Variants in KRT17 observed in about 807,000 individuals in gnomAD.
KRT17 encodes keratin, type I cytoskeletal 17.
A neutral mutation model predicts 45.6 loss-of-function variants in KRT17; 29 were observed. That is an observed-to-expected ratio of 0.64 (90% CI 0.47 to 0.87). KRT17 has a LOEUF of 0.87. Among genes scored for constraint, KRT17 ranks in the 40% least tolerant of loss-of-function variants. The pLI, the probability that KRT17 is intolerant of heterozygous loss-of-function variation, is 0.00. For missense variants in KRT17, 536 were observed against 577.8 expected, an observed-to-expected ratio of 0.93 and a Z score of 0.74; for synonymous variants, 219 against 234.6, an observed-to-expected ratio of 0.93 and a Z score of 0.61.
At chr17:41,620,064 C>T (rs1162779765) in intron 7 of KRT17, 23 of 985,212 alleles carry the variant, frequency 2.3e-5, no homozygotes, top group Non-Finnish European at 2.8e-5. Context: ...AGACAAAAAC[C>T]AGGCCCCTAT....
intron 1 of KRT17, among the ~76,000 whole-genome samples, chr17:41,623,438 G>A (rs888558053): frequency 3.3e-5 from 5 of 152,160 alleles, no homozygotes; most frequent in Non-Finnish European, 7.4e-5. Context: ...GGAGGCTAAA[G>A]GAGCCCTCAT....
rs1908571233 is a variant in KRT17, at chr17:41,622,364, GTTC to G, written c.660_662del (p.Lys220del). The G allele has an allele frequency of 2.5e-6, 4 of 1,613,466 alleles. No individual in the cohort carries two copies. The highest frequency in any genetic ancestry group is 1.3e-5 in the African/African-American group (1 of 75,028). ...GCCCCAGCCACCTCACCTCCTCGTG[GTTC>G]TTCTTCAGGTAGGCCAGCTCCTCCT... On this transcript the variant is annotated inframe_deletion, in exon 3 of 8. Coordinates refer to ENST00000311208, the MANE Select transcript of KRT17 (RefSeq NM_000422.3).
chr17:41,619,787 C>T (rs1206951612), intron 7 of KRT17, 99 bp from the exon 8 acceptor site: 27 of 1,590,956 alleles, frequency 1.7e-5, no homozygotes, highest in Non-Finnish European at 2.2e-5. Context: ...CCCTCATCCT[C>T]CCCCAGGTGC....
chr17:41,622,036 G>A, intron 3 of KRT17: 1 of 596,172 alleles, frequency 1.7e-6, no homozygotes. Flanking sequence ...CTATGTAGAT[G>A]TTCAGCTTTG....
chr17:41,620,607 C>A (rs767014144), intron 6 of KRT17, 49 bp from the exon 7 acceptor site: 18 of 1,609,504 alleles, frequency 1.1e-5, no homozygotes, highest in Non-Finnish European at 1.4e-5. Context: ...GGTCTGAGAG[C>A]CCCACCCCTG....
intron 1 of KRT17, among the ~76,000 whole-genome samples, 189 bp downstream of exon 1, chr17:41,623,889 T>TGCTGTCCCCAGAAAAGGG (rs1013390637): frequency 1.3e-5 from 2 of 152,172 alleles, no homozygotes; most frequent in African/African-American, 4.8e-5. Context: ...TGACTCAGCT[T>TGCTGTCCCCAGAAAAGGG]GCTGTCCCCA....
In KRT17 at chr17:41,621,657, C is replaced by T. The variant is rs200256057; in HGVS notation, c.770G>A (p.Arg257His). The T allele has an allele frequency of 1.1e-5, 17 of 1,612,138 alleles. No homozygotes were observed. Among genetic ancestry groups the T allele is most frequent in the Non-Finnish European group, 1.4e-5 (16 of 1,179,880 alleles). Residue 257 changes from arginine (R) to histidine (H), a missense_variant, in exon 4 of 8, where the codon CGT becomes CAT. Arg to His is a conservative substitution (Grantham distance 29). Coordinates refer to ENST00000311208, the MANE Select transcript of KRT17 (RefSeq NM_000422.3). ...CTCTGCCATCTTCTCATACTGGTCA[C>T]GCATCTCGTTGAGGATGCGGCTCAG... ...VDLSRILNEM[R>H]DQYEKMAEKN...
intron 3 of KRT17, chr17:41,622,068 T>C (rs1369365863): frequency 1.7e-6 from 1 of 592,886 alleles, no homozygotes; most frequent in African/African-American, 1.9e-5. Context: ...TGGGACAAGA[T>C]TTCCTTACTT....
chr17:41,622,499 C>G lies in KRT17; in HGVS notation c.528G>C (p.Glu176Asp), dbSNP rs1310615769. The stretch of plus-strand genomic sequence containing the variant: ...CCTCCACACTCAGGCGCAGGGCCTG[C>G]TCTGTCTCAAACCTGCCGTGGGAAT... ...ADDFRTKFETEQALRLSVEAD... is the reference protein window; with the variant it reads ...ADDFRTKFETDQALRLSVEAD... The change falls in exon 3 of 8, where the codon GAG becomes GAC. Residue 176 changes from glutamate (E) to aspartate (D), a missense_variant. By Grantham distance (45) the Glu-to-Asp change is conservative. Coordinates refer to ENST00000311208, the MANE Select transcript of KRT17 (RefSeq NM_000422.3). The G allele has an allele frequency of 1.9e-6, 3 of 1,613,440 alleles. No homozygotes were observed. The South Asian group carries it at 3.3e-5, about 18-fold the overall frequency.
intron 7 of KRT17, chr17:41,620,242 G>A: frequency 1.0e-6 from 1 of 985,334 alleles, no homozygotes; most frequent in Non-Finnish European, 1.2e-6. Context: ...ATGAGACCAT[G>A]TTCCTATCTT....
chr17:41,621,647 A>T lies in KRT17; in HGVS notation c.780T>A (p.Tyr260Ter). Reference protein sequence around the residue: ...SRILNEMRDQYEKMAEKNRKD... With the variant: ...SRILNEMRDQ Reference sequence around the variant, plus strand: ...TGCGGTTCTTCTCTGCCATCTTCTCATACTGGTCACGCATCTCGTTGAGGA... The same window carrying T: ...TGCGGTTCTTCTCTGCCATCTTCTCTTACTGGTCACGCATCTCGTTGAGGA... Residue 260 changes from tyrosine (Y) to a stop codon, truncating the protein, a stop_gained, in exon 4 of 8, where the codon TAT becomes TAA. Coordinates refer to ENST00000311208, the MANE Select transcript of KRT17 (RefSeq NM_000422.3). LOFTEE classifies it high-confidence loss of function. 1 of 1,612,210 alleles carries T rather than the reference A, an allele frequency of 6.2e-7. No homozygotes were observed. Among genetic ancestry groups the T allele is most frequent in the Middle Eastern group, 2.2e-4 (1 of 4,566 alleles).
chr17:41,623,007 G>T lies in KRT17; in HGVS notation c.458C>A (p.Ala153Asp). 1 of 1,613,390 alleles carries T rather than the reference G, an allele frequency of 6.2e-7. No homozygotes were observed. The highest frequency in any genetic ancestry group is 1.1e-5 in the South Asian group (1 of 91,050). ...ATTGTCAATCTGTAGCAGGATGTTG[G>T]CATTGTCCACGGTGGCTGTGAGGAT... ...NKILTATVDNANILLQIDNAR... is the reference protein window; with the variant it reads ...NKILTATVDNDNILLQIDNAR... Residue 153 changes from alanine (A) to aspartate (D), a missense_variant, in exon 2 of 8, where the codon GCC (alanine) becomes GAC (aspartate). Physicochemically the swap from Ala to Asp is moderately radical, Grantham distance 126. Transcript: ENST00000311208.
Position 41,619,543 on chromosome 17 carries a change from G to A in KRT17, c.*51C>T. The A allele has an allele frequency of 6.2e-7, 1 of 1,611,564 alleles. No individual in the cohort carries two copies. Among genetic ancestry groups the A allele is most frequent in the Non-Finnish European group, 8.5e-7 (1 of 1,179,812 alleles). On this transcript the variant is annotated 3_prime_UTR_variant, in exon 8 of 8. Coordinates refer to ENST00000311208, the MANE Select transcript of KRT17 (RefSeq NM_000422.3). ...AGAGGCCGGAGACTGTGGGGCAGAT[G>A]GGGCGGCTGCCTCCCTGCCTCCTGG...
At position 41,623,004 on chromosome 17, in the gene KRT17, T is replaced by C. The variant is rs766811684; in HGVS notation, c.461A>G (p.Asn154Ser). Residue 154 changes from asparagine (N) to serine (S), a missense_variant, in exon 2 of 8, where the codon AAC becomes AGC. Physicochemically the swap from Asn to Ser is conservative, Grantham distance 46 (BLOSUM62 1). Transcript: ENST00000311208. ...GGCATTGTCAATCTGTAGCAGGATG[T>C]TGGCATTGTCCACGGTGGCTGTGAG... ...KILTATVDNA[N>S]ILLQIDNARL... 7 of 1,613,284 alleles carry C rather than the reference T, an allele frequency of 4.3e-6. No individual in the cohort carries two copies. Among genetic ancestry groups the C allele is most frequent in the Non-Finnish European group, 5.9e-6 (7 of 1,179,770 alleles).
chr17:41,624,428 A>T lies in KRT17; in HGVS notation c.82T>A (p.Ser28Thr), dbSNP rs1908657901. The T allele has an allele frequency of 6.2e-7, 1 of 1,610,306 alleles. No individual in the cohort carries two copies. Among genetic ancestry groups the T allele is most frequent in the Non-Finnish European group, 8.5e-7 (1 of 1,179,414 alleles). The change falls in exon 1 of 8, where the codon TCC (serine) becomes ACC (threonine). Residue 28 changes from serine (S) to threonine (T), a missense_variant. By Grantham distance (58) the Ser-to-Thr change is moderately conservative (BLOSUM62 1). Coordinates refer to ENST00000311208, the MANE Select transcript of KRT17 (RefSeq NM_000422.3). ...SGLGGGSSRT[S>T]CRLSGGLGAG... Reference sequence around the variant, plus strand: ...CCCAGGCCGCCAGACAGCCGGCAGGAGGTGCGGGACGAGCCGCCCCCCAGG... The same window carrying T: ...CCCAGGCCGCCAGACAGCCGGCAGGTGGTGCGGGACGAGCCGCCCCCCAGG...
At position 41,624,482 on chromosome 17, in the gene KRT17, AG is replaced by A; in HGVS notation, c.27del (p.Ser10ProfsTer105). 1 of 1,610,364 alleles carries A rather than the reference AG, an allele frequency of 6.2e-7. No individual in the cohort carries two copies. Among genetic ancestry groups the A allele is most frequent in the Non-Finnish European group, 8.5e-7 (1 of 1,179,536 alleles). On this transcript the variant is annotated frameshift_variant, in exon 1 of 8. Coordinates refer to ENST00000311208, the MANE Select transcript of KRT17 (RefSeq NM_000422.3). LOFTEE classifies it high-confidence loss of function. MTTSIRQF[T>X]SSSSIKGSSG... is the part of the protein sequence containing the mutation. ...GAGGAGCCCTTGATGGAGCTGGAGGAGGTGAACTGGCGGATGGAGGTGGTCA... is the reference window on the plus strand; with the variant it reads ...GAGGAGCCCTTGATGGAGCTGGAGGAGTGAACTGGCGGATGGAGGTGGTCA...
rs150822982 is a variant in KRT17, at chr17:41,623,018, G to C, written c.447C>G (p.Thr149=). The part of the protein sequence containing the change: ...EELQNKILTA[T]VDNANILLQI... Reference sequence around the variant, plus strand: ...GTAGCAGGATGTTGGCATTGTCCACGGTGGCTGTGAGGATCTGAGGAGAAG... The same window carrying C: ...GTAGCAGGATGTTGGCATTGTCCACCGTGGCTGTGAGGATCTGAGGAGAAG... The change falls in exon 2 of 8, where the codon ACC becomes ACG. Residue 149 remains threonine (T), a synonymous_variant. Coordinates refer to ENST00000311208, the MANE Select transcript of KRT17 (RefSeq NM_000422.3). 188 of 1,613,302 alleles carry C rather than the reference G, an allele frequency of 1.2e-4. No homozygotes were observed. Among genetic ancestry groups the C allele is most frequent in the Admixed American group, 3.2e-4 (19 of 60,018 alleles).
In KRT17 at chr17:41,621,152, C is replaced by T. The variant is rs1908528822; in HGVS notation, c.835-61G>A. The T allele has an allele frequency of 5.0e-6, 8 of 1,604,088 alleles. No homozygotes were observed. In the South Asian group the frequency reaches 5.5e-5, roughly 11 times the overall value. ...TGGATCCCTCTCCCAAGTCAGGCCT[C>T]CTCCCAAATCTAACTGTGGAGAGAG... On this transcript the variant is annotated intron_variant, in intron 4 of 7. Coordinates refer to ENST00000311208, the MANE Select transcript of KRT17 (RefSeq NM_000422.3).
chr17:41,622,471 C>T lies in KRT17; in HGVS notation c.556G>A (p.Asp186Asn), dbSNP rs751630739. 7.4e-6 allele frequency: 12 copies of T among 1,613,848 alleles called. No individual in the cohort carries two copies. Among genetic ancestry groups the T allele is most frequent in the South Asian group, 4.4e-5 (4 of 91,076 alleles). The stretch of plus-strand genomic sequence containing the variant: ...AGCACCCTGCGCAGGCCATTGATGT[C>T]GGCCTCCACACTCAGGCGCAGGGCC... Reference protein sequence around the residue: ...EQALRLSVEADINGLRRVLDE... With the variant: ...EQALRLSVEANINGLRRVLDE... The change falls in exon 3 of 8, where the codon GAC (aspartate) becomes AAC (asparagine). Residue 186 changes from aspartate to asparagine, a missense_variant. Transcript: ENST00000311208.
Sources: gnomAD v4.1 joint callset for allele counts (sites outside exome capture counted in the v4.1 genomes callset) on GRCh38, gnomAD v4.1.1 for gene constraint, MANE v1.5 for transcripts, NCBI Gene and HGNC (gene_info 2026-07-23, HGNC 2026-07-21) for gene names.